Variants in ASTN2 observed in about 807,000 individuals in gnomAD.
ASTN2 encodes the protein astrotactin-2.
A neutral mutation model predicts 139.8 loss-of-function variants in ASTN2; 54 were observed. The observed-to-expected ratio is 0.39, with a 90% CI of 0.31 to 0.48. The LOEUF (loss-of-function observed/expected upper bound fraction) is 0.48, where lower values mean the gene tolerates loss of function less well. ASTN2 is among the 20% of genes least tolerant of loss of function. The pLI, the probability that ASTN2 is intolerant of heterozygous loss-of-function variation, is 0.95. For synonymous variants in ASTN2, 756 were observed against 719.5 expected, an observed-to-expected ratio of 1.05 and a Z score of -0.81; for missense variants, 1,565 against 1,725.1, an observed-to-expected ratio of 0.91 and a Z score of 1.64.
chr9:116,861,253 A>T, intron 11 of ASTN2, among the ~76,000 whole-genome samples: 1 of 129,018 alleles, frequency 7.8e-6, no homozygotes, highest in Non-Finnish European at 1.8e-5. Flanking sequence ...ACACACACAC[A>T]CACACACACT....
chr9:117,005,213 T>C (rs1012710528), intron 7 of ASTN2, among the ~76,000 whole-genome samples: 61 of 147,584 alleles, frequency 4.1e-4, no homozygotes, highest in Admixed American at 3.1e-3. Context: ...AACCTCTGAG[T>C]AGCTAGGACT....
intron 19 of ASTN2, among the ~76,000 whole-genome samples, chr9:116,542,449 T>C (rs1034872302): frequency 2.0e-5 from 3 of 152,212 alleles, no homozygotes; most frequent in African/African-American, 7.2e-5. Flanking sequence ...TGTTTATTAC[T>C]TTTGGTCAAA....
In ASTN2 at chr9:117,414,175, C is replaced by T. The variant is rs969730510; in HGVS notation, c.442+322G>A. ...GGATCTGGGATGCTCCGGCCCCTAGCCAGAGCACCTTCAGTGAATGGGGTC... is the reference window on the plus strand; with the variant it reads ...GGATCTGGGATGCTCCGGCCCCTAGTCAGAGCACCTTCAGTGAATGGGGTC... On this transcript the variant is annotated intron_variant, in intron 1 of 22. Transcript: ENST00000313400. This position sits in a 1 kb window ranked among gnomAD's most constrained non-coding sequence, Gnocchi z 4.2. 3.9e-5 allele frequency among the ~76,000 whole-genome samples: 6 copies of T among 152,060 alleles called. No homozygotes were observed. Among genetic ancestry groups the T allele is most frequent in the African/African-American group, 1.2e-4 (5 of 41,412 alleles).
intron 3 of ASTN2, among the ~76,000 whole-genome samples, chr9:117,209,480 G>A (rs998368521): frequency 1.3e-5 from 2 of 152,022 alleles, no homozygotes; most frequent in African/African-American, 4.8e-5. Context: ...TGATAATAAA[G>A]AGATCAATAC....
At chr9:116,815,457 C>A (rs1831285301) in intron 12 of ASTN2, among the ~76,000 whole-genome samples, 1 of 152,066 alleles carries the variant, frequency 6.6e-6, no homozygotes, top group Admixed American at 6.6e-5. Flanking sequence ...AGTGCCCCCA[C>A]CTTGAGGGCC....
At chr9:116,958,013 A>G (rs1276285226) in intron 10 of ASTN2, among the ~76,000 whole-genome samples, 2 of 152,198 alleles carry the variant, frequency 1.3e-5, no homozygotes, top group Non-Finnish European at 2.9e-5. Context: ...CAAGAACACC[A>G]CAGACATGAT....
At chr9:117,039,543 C>T (rs1045326589) in intron 6 of ASTN2, among the ~76,000 whole-genome samples, 2 of 151,898 alleles carry the variant, frequency 1.3e-5, no homozygotes, top group Non-Finnish European at 2.9e-5. Context: ...ACATGTATAC[C>T]TGTGCAACAA....
chr9:116,657,888 ATT>A (rs113620338), intron 16 of ASTN2, among the ~76,000 whole-genome samples: 13 of 134,962 alleles, frequency 9.6e-5, no homozygotes, highest in Admixed American at 2.2e-4. Context: ...AAGTAGCAAG[ATT>A]TTTTTTTTTT....
intron 2 of ASTN2, among the ~76,000 whole-genome samples, chr9:117,229,502 T>C (rs1832823094): frequency 6.6e-6 from 1 of 152,146 alleles, no homozygotes; most frequent in Non-Finnish European, 1.5e-5. Context: ...ATTGTATCCT[T>C]AAGTGGTCAG....
Position 116,620,084 on chromosome 9 carries a change from A to G in ASTN2, c.3206+226T>C, listed in dbSNP as rs564272018. 4.6e-5 allele frequency among the ~76,000 whole-genome samples: 7 copies of G among 152,244 alleles called. No individual in the cohort carries two copies. In the South Asian group the frequency reaches 1.5e-3, roughly 32 times the overall value. ...AGGAAGAAATGATGAACTGAGTGGC[A>G]TCATTTAAAACAAGCATGCACTGCA... On this transcript the variant is annotated intron_variant, in intron 18 of 22. Transcript: ENST00000313400.
intron 6 of ASTN2, among the ~76,000 whole-genome samples, chr9:117,025,798 C>CTT (rs111710831): frequency 0.041 from 5,946 of 144,466 alleles, 174 homozygotes; most frequent in South Asian, 0.13. Context: ...CTTTTCTTTT[C>CTT]TTTTTTTTTT....
chr9:116,923,081 A>G (rs889128660), intron 10 of ASTN2, among the ~76,000 whole-genome samples: 65 of 152,174 alleles, frequency 4.3e-4, no homozygotes, highest in African/African-American at 1.5e-3. Context: ...ACAAACAAGG[A>G]CATTAAGGTT....
chr9:117,216,464 T>C (rs1216835380), intron 2 of ASTN2, among the ~76,000 whole-genome samples: 1 of 152,208 alleles, frequency 6.6e-6, no homozygotes, highest in Non-Finnish European at 1.5e-5. Flanking sequence ...CTGGATGTCA[T>C]AACATAAAAA....
At chr9:116,911,656 G>T (rs1008900981) in intron 10 of ASTN2, among the ~76,000 whole-genome samples, 1 of 152,170 alleles carries the variant, frequency 6.6e-6, no homozygotes, top group Non-Finnish European at 1.5e-5. Context: ...TGTAATCCCA[G>T]CACTTTGGGA....
chr9:116,904,298 T>C (rs1291179132), intron 10 of ASTN2, among the ~76,000 whole-genome samples: 1 of 152,168 alleles, frequency 6.6e-6, no homozygotes, highest in Non-Finnish European at 1.5e-5. Flanking sequence ...TATGTCCTCG[T>C]GGCAGACAGT....
At chr9:116,584,964 T>A (rs1854089619) in intron 19 of ASTN2, 1 of 152,026 alleles carries the variant, frequency 6.6e-6, no homozygotes, top group South Asian at 2.1e-4. Flanking sequence ...AAATAAACGG[T>A]AGAGAGAATG....
intron 17 of ASTN2, among the ~76,000 whole-genome samples, chr9:116,642,259 C>T (rs573435406): frequency 3.3e-5 from 5 of 151,954 alleles, no homozygotes; most frequent in African/African-American, 1.2e-4. Context: ...AGATCCAGAA[C>T]TCCACTCACT....
chr9:117,034,036 G>T (rs1838318619), intron 6 of ASTN2, among the ~76,000 whole-genome samples: 1 of 151,976 alleles, frequency 6.6e-6, no homozygotes, highest in Non-Finnish European at 1.5e-5. Context: ...TTTCAATCTT[G>T]TGGCTGCCAA....
At chr9:116,835,635 T>A (rs1442882166) in intron 11 of ASTN2, among the ~76,000 whole-genome samples, 1 of 152,018 alleles carries the variant, frequency 6.6e-6, no homozygotes, top group East Asian at 1.9e-4. Flanking sequence ...CAAAAGCATT[T>A]GTAAAATGTA....
Sources: gnomAD v4.1 joint callset for allele counts (sites outside exome capture counted in the v4.1 genomes callset) on GRCh38, gnomAD v4.1.1 for gene constraint, Gnocchi (gnomAD v3.1) non-coding constraint, MANE v1.5 for transcripts, NCBI Gene and HGNC (gene_info 2026-07-23, HGNC 2026-07-21) for gene names.